The following TJP1 variants were observed in gnomAD, a reference collection of about 807,000 sequenced individuals.
TJP1 encodes tight junction protein ZO-1.
In TJP1, 43 loss-of-function variants were observed where a neutral mutation model predicts 194.2. The observed-to-expected ratio is 0.22, with a 90% CI of 0.17 to 0.29. The LOEUF (loss-of-function observed/expected upper bound fraction) is 0.29, where lower values mean the gene tolerates loss of function less well. Among genes scored for constraint, TJP1 ranks in the 10% least tolerant of loss-of-function variants. TJP1 has a pLI of 1.00. For synonymous variants in TJP1, 801 were observed against 779.0 expected (o/e 1.03, Z -0.47); for missense variants, 1,971 against 2,185.7 (o/e 0.90, Z 1.96).
chr15:29,710,522 T>C (rs2042175249), intron 24 of TJP1, among the ~76,000 whole-genome samples: 1 of 152,234 alleles, frequency 6.6e-6, no homozygotes, highest in Non-Finnish European at 1.5e-5. Context: ...CTTTTCTATT[T>C]GGGTGTGTGA....
Position 29,862,928 on chromosome 15 carries a change from G to A in TJP1, c.307-62226C>T, listed in dbSNP as rs577615516. On this transcript the variant is annotated intron_variant, in intron 2 of 28. Transcript: ENST00000356107. ...CTCCCAAAGTACTGGGATTACAGGC[G>A]TGAGCCACCGTGCCCAGCTGGGGAT... Among the ~76,000 whole-genome samples, 13 of 151,594 alleles carry A rather than the reference G, an allele frequency of 8.6e-5. No homozygotes were observed. The South Asian group carries it at 2.1e-3, about 24-fold the overall frequency.
chr15:29,728,132 G>C (rs1595657657), intron 15 of TJP1, 113 bp from the exon 16 acceptor site: 2 of 803,756 alleles, frequency 2.5e-6, no homozygotes, highest in Non-Finnish European at 4.1e-6. Context: ...TTTGTTTGTG[G>C]AAACTGTCTT....
intron 15 of TJP1, among the ~76,000 whole-genome samples, chr15:29,730,270 A>G (rs2043538474): frequency 6.6e-6 from 1 of 152,088 alleles, no homozygotes; most frequent in Admixed American, 6.6e-5. Context: ...GCACTTTTAT[A>G]ATTACAAAAA....
intron 2 of TJP1, among the ~76,000 whole-genome samples, chr15:29,878,807 GAA>G (rs950183690): frequency 6.6e-6 from 1 of 152,100 alleles, no homozygotes; most frequent in African/African-American, 2.4e-5. Context: ...GAGTATGGGA[GAA>G]AAAGTGACTT....
upstream of TJP1, among the ~76,000 whole-genome samples, chr15:29,824,369 A>G (rs538435111): frequency 6.6e-6 from 1 of 150,554 alleles, no homozygotes; most frequent in Admixed American, 6.6e-5. Flanking sequence ...CTTGAACCCG[A>G]GAGGCGGAGG....
chr15:29,802,407 C>T (rs1278123736), intron 1 of TJP1, among the ~76,000 whole-genome samples: 3 of 152,026 alleles, frequency 2.0e-5, no homozygotes, highest in African/African-American at 7.2e-5. Flanking sequence ...AAATTCAAAG[C>T]AACTAGATTA....
intron 2 of TJP1, among the ~76,000 whole-genome samples, chr15:29,944,285 CG>C (rs1223362026): frequency 2.0e-5 from 3 of 151,674 alleles, no homozygotes; most frequent in Admixed American, 1.3e-4. Context: ...TTAGTAGAGA[CG>C]GGGTTTCACC....
chr15:29,819,380 T>C (rs977460225), intron 1 of TJP1, among the ~76,000 whole-genome samples: 1 of 152,200 alleles, frequency 6.6e-6, no homozygotes, highest in African/African-American at 2.4e-5. Context: ...TGTGTTTCAA[T>C]TTCTTCACCA....
chr15:29,735,969 G>A (rs946091007), intron 11 of TJP1, among the ~76,000 whole-genome samples: 3 of 152,176 alleles, frequency 2.0e-5, no homozygotes, highest in African/African-American at 7.2e-5. Flanking sequence ...AAGAGGCAGT[G>A]TAGCAAGAGA....
chr15:29,864,264 A>AAAAAAAAAAAAAAAAAAAAAAAAAAAAC, intron 2 of TJP1, among the ~76,000 whole-genome samples: 1 of 147,042 alleles, frequency 6.8e-6, no homozygotes, highest in African/African-American at 2.6e-5. Context: ...AAAAAAAAAA[A>AAAAAAAAAAAAAAAAAAAAAAAAAAAAC]GCTGGGTGTG....
chr15:29,794,801 G>A (rs1231000663), intron 2 of TJP1, among the ~76,000 whole-genome samples: 2 of 151,972 alleles, frequency 1.3e-5, no homozygotes, highest in African/African-American at 4.8e-5. Flanking sequence ...GAATAATCTC[G>A]CTTCCAGTAA....
At chr15:29,910,262 T>C (rs780466687) in intron 2 of TJP1, among the ~76,000 whole-genome samples, 8 of 152,254 alleles carry the variant, frequency 5.3e-5, no homozygotes, top group Non-Finnish European at 8.8e-5. Flanking sequence ...TTATTTTCTA[T>C]GTACACTCAC....
At chr15:29,766,674 C>A (rs1479843346) in intron 4 of TJP1, 132 bp from the exon 5 acceptor site, 1 of 832,474 alleles carries the variant, frequency 1.2e-6, no homozygotes, top group African/African-American at 1.8e-5. Context: ...ACACAAACAA[C>A]TACAACAAAT....
intron 18 of TJP1, among the ~76,000 whole-genome samples, chr15:29,723,184 G>C (rs1165346181): frequency 6.6e-6 from 1 of 152,122 alleles, no homozygotes; most frequent in Non-Finnish European, 1.5e-5. Flanking sequence ...CATGAAATTT[G>C]GGAGGGACCA....
chr15:29,851,420 G>T lies in TJP1; in HGVS notation c.307-50718C>A, dbSNP rs373640920. Among the ~76,000 whole-genome samples the T allele has an allele frequency of 1.8e-4, 27 of 152,146 alleles. No homozygotes were observed. The East Asian group carries it at 4.6e-3, about 26-fold the overall frequency. ...TCAAAAACCACAAATAGCCAACACG[G>T]ATGAAACAGGCAATCTGAATAGCCC... On this transcript the variant is annotated intron_variant, in intron 2 of 28. Coordinates refer to the TJP1 transcript ENST00000356107.
chr15:29,803,566 G>T (rs1047183647), intron 1 of TJP1, among the ~76,000 whole-genome samples: 3 of 152,142 alleles, frequency 2.0e-5, no homozygotes, highest in African/African-American at 7.2e-5. Context: ...ATTGTTCTAA[G>T]TGAGCTGAGA....
rs770537746 is a variant in TJP1 at position 29,716,722 on chromosome 15, C to T, written c.4091G>A (p.Arg1364Gln). 2.2e-5 allele frequency: 35 copies of T among 1,613,940 alleles called. No individual in the cohort carries two copies. The highest frequency in any genetic ancestry group is 4.0e-5 in the African/African-American group (3 of 74,890). ...YYRKQLSYFDRRSFENKPPAH... is the reference protein window; with the variant it reads ...YYRKQLSYFDQRSFENKPPAH... Reference sequence around the variant, plus strand: ...AGGAGGCTTATTCTCAAAACTTCTTCGGTCAAAGTATGACAGCTGTTTTCG... The same window carrying T: ...AGGAGGCTTATTCTCAAAACTTCTTTGGTCAAAGTATGACAGCTGTTTTCG... Residue 1364 changes from arginine to glutamine, a missense_variant, in exon 23 of 28, where the codon CGA becomes CAA. Arg to Gln is a conservative substitution (Grantham distance 43). Around this residue, in one of 5 missense-constraint regions of TJP1, gnomAD observed 1,108 missense variants for 1,128.5 expected, o/e 0.98. Transcript: ENST00000614355.
intron 2 of TJP1, among the ~76,000 whole-genome samples, chr15:29,838,877 C>T (rs1445667580): frequency 2.0e-5 from 3 of 152,038 alleles, no homozygotes; most frequent in Admixed American, 1.3e-4. Context: ...AGTACGTAAC[C>T]TGCTGGAATT....
At chr15:29,894,138 C>T (rs2053402459) in intron 2 of TJP1, among the ~76,000 whole-genome samples, 1 of 152,146 alleles carries the variant, frequency 6.6e-6, no homozygotes, top group African/African-American at 2.4e-5. Flanking sequence ...GAAGGATGTG[C>T]ACTACCTACA....
Sources: gnomAD v4.1 joint callset for allele counts (sites outside exome capture counted in the v4.1 genomes callset) on GRCh38, gnomAD v4.1.1 for gene constraint, gnomAD v4.1.1 regional missense constraint, MANE v1.5 for transcripts, NCBI Gene and HGNC (gene_info 2026-07-23, HGNC 2026-07-21) for gene names.